The following ANKRD7 variants were observed in gnomAD, a reference collection of about 807,000 sequenced individuals.
ANKRD7 encodes the protein ankyrin repeat domain-containing protein 7.
A neutral mutation model predicts 30.8 loss-of-function variants in ANKRD7; 30 were observed. The observed-to-expected ratio is 0.97, with a 90% CI of 0.73 to 1.32. The LOEUF is 1.32. Ranked by LOEUF, ANKRD7 falls within the 40% of genes most tolerant of loss-of-function variation. ANKRD7 has a pLI of 0.00. For missense variants in ANKRD7, 264 were observed against 295.7 expected, an observed-to-expected ratio of 0.89 and a Z score of 0.79; for synonymous variants, 97 against 106.6, an observed-to-expected ratio of 0.91 and a Z score of 0.55.
chr7:118,231,165 T>A (rs1269883619), intron 1 of ANKRD7, among the ~76,000 whole-genome samples: 1 of 151,972 alleles, frequency 6.6e-6, no homozygotes, highest in Non-Finnish European at 1.5e-5. Context: ...TCGATTAGTG[T>A]TTTTTAAACA....
chr7:118,241,461 C>T (rs920207964), intron 6 of ANKRD7, among the ~76,000 whole-genome samples: 3 of 144,034 alleles, frequency 2.1e-5, no homozygotes, highest in African/African-American at 7.6e-5. Flanking sequence ...ATGCTTACAA[C>T]AATGTTTGGT....
intron 1 of ANKRD7, among the ~76,000 whole-genome samples, chr7:118,232,785 G>A (rs917420913): frequency 4.6e-5 from 7 of 151,706 alleles, no homozygotes; most frequent in African/African-American, 1.7e-4. Context: ...TAAAAAATTG[G>A]AGTTGGAGGG....
chr7:118,238,499 G>T (rs1235784045), intron 5 of ANKRD7, among the ~76,000 whole-genome samples: 1 of 152,116 alleles, frequency 6.6e-6, no homozygotes, highest in Non-Finnish European at 1.5e-5. Flanking sequence ...GACTTTTGTT[G>T]CTCAAGTAGC....
intron 1 of ANKRD7, among the ~76,000 whole-genome samples, chr7:118,230,650 GTA>G (rs1491192465): frequency 4.0e-5 from 6 of 151,606 alleles, no homozygotes; most frequent in South Asian, 2.1e-4. Flanking sequence ...GTGTGTGTGT[GTA>G]GAGAGAGAGA....
At chr7:118,233,188 G>C (rs996088324) in intron 1 of ANKRD7, among the ~76,000 whole-genome samples, 1 of 152,046 alleles carries the variant, frequency 6.6e-6, no homozygotes, top group South Asian at 2.1e-4. Flanking sequence ...AATCATTTTT[G>C]TCCTACAACA....
At chr7:118,229,742 A>T (rs760527181) in intron 1 of ANKRD7, among the ~76,000 whole-genome samples, 2 of 152,138 alleles carry the variant, frequency 1.3e-5, no homozygotes, top group Non-Finnish European at 2.9e-5. Context: ...AGAAAACTAC[A>T]GTCCAATATT....
At chr7:118,240,434 T>C (rs1179553242) in intron 6 of ANKRD7, among the ~76,000 whole-genome samples, 14 of 152,162 alleles carry the variant, frequency 9.2e-5, no homozygotes, top group African/African-American at 3.4e-4. Flanking sequence ...GTTCTTGCGA[T>C]AGTTTACTGA....
At position 118,234,715 on chromosome 7, in the gene ANKRD7, A is replaced by G. The variant is rs1293305952; in HGVS notation, c.309A>G (p.Gln103=). ...TGCATTAACAGGCAGTACAGTGTCAAAATGAGGATTGTGCTACTATTCTTC... is the reference window on the plus strand; with the variant it reads ...TGCATTAACAGGCAGTACAGTGTCAGAATGAGGATTGTGCTACTATTCTTC... ...KSPLIKAVQC[Q]NEDCATILLN... is the part of the protein sequence containing the mutation. The change falls in exon 3 of 7, where the codon CAA becomes CAG. Residue 103 remains glutamine, a synonymous_variant. Coordinates refer to ENST00000265224, the MANE Select transcript of ANKRD7 (RefSeq NM_019644.4). 1.2e-6 allele frequency: 2 copies of G among 1,608,646 alleles called. No homozygotes were observed. The highest frequency in any genetic ancestry group is 2.7e-5 in the African/African-American group (2 of 74,660).
chr7:118,230,593 C>G (rs1185965693), intron 1 of ANKRD7, among the ~76,000 whole-genome samples: 1 of 150,928 alleles, frequency 6.6e-6, no homozygotes, highest in Non-Finnish European at 1.5e-5. Flanking sequence ...CTTGATAAAG[C>G]TGAATGAAAA....
rs993264397 is a variant in ANKRD7, at chr7:118,232,597, G to GA, written c.180-1833dup. ...TATGAGCCATGAAATTTTTTTATGA[G>GA]ATTTGTTACTGAAGGTTTTAGATTC... On this transcript the variant is annotated intron_variant, in intron 1 of 6. Transcript: ENST00000265224. Among the ~76,000 whole-genome samples, 21 of 152,054 alleles carry GA rather than the reference G, an allele frequency of 1.4e-4. 1 individual carries two copies. The highest frequency in any genetic ancestry group is 5.1e-4 in the African/African-American group (21 of 41,492).
intron 6 of ANKRD7, 77 bp downstream of exon 6, chr7:118,240,075 T>C (rs1276092212): frequency 1.1e-5 from 8 of 710,954 alleles, no homozygotes; most frequent in African/African-American, 1.9e-5. Context: ...GAAACAACTT[T>C]CTTAAGTAAC....
chr7:118,224,788 A>G lies in ANKRD7; in HGVS notation c.-43A>G. On this transcript the variant is annotated 5_prime_UTR_variant, in exon 1 of 7. Transcript: ENST00000265224. ...GGCAGGGCGGACGGCTAGGAGTTCAAGAAACATCCTGGTCTGAGGGAAAGG... is the reference window on the plus strand; with the variant it reads ...GGCAGGGCGGACGGCTAGGAGTTCAGGAAACATCCTGGTCTGAGGGAAAGG... The G allele has an allele frequency of 6.3e-7, 1 of 1,579,820 alleles. No individual in the cohort carries two copies. Among genetic ancestry groups the G allele is most frequent in the East Asian group, 2.3e-5 (1 of 44,436 alleles).
At chr7:118,236,242 A>G (rs1349300876) in intron 4 of ANKRD7, 95 bp downstream of exon 4, 1 of 386,838 alleles carries the variant, frequency 2.6e-6, no homozygotes, top group Non-Finnish European at 4.1e-6. Context: ...GTGTGTGTCC[A>G]CAAAACACAA....
rs545329415 is a variant in ANKRD7, at chr7:118,227,011, A to G, written c.179+2002A>G. 3.3e-5 allele frequency among the ~76,000 whole-genome samples: 5 copies of G among 152,138 alleles called. No homozygotes were observed. In the South Asian group the frequency reaches 1.0e-3, roughly 32 times the overall value. On this transcript the variant is annotated intron_variant, in intron 1 of 6. Transcript: ENST00000265224. ...AGATAGGGAAAGTTTTACTATTGCTATTTTGTTAGCTTTCATGTTACTCTT... is the reference window on the plus strand; with the variant it reads ...AGATAGGGAAAGTTTTACTATTGCTGTTTTGTTAGCTTTCATGTTACTCTT...
chr7:118,226,342 T>TAGGG (rs143300799), intron 1 of ANKRD7, among the ~76,000 whole-genome samples: 2,802 of 152,250 alleles, frequency 0.018, 40 homozygotes, highest in East Asian at 0.076. Flanking sequence ...TTGAACAATG[T>TAGGG]AGGGGTTGGG....
At chr7:118,226,624 C>A (rs151180526) in intron 1 of ANKRD7, among the ~76,000 whole-genome samples, 10 of 152,252 alleles carry the variant, frequency 6.6e-5, no homozygotes, top group African/African-American at 2.4e-4. Flanking sequence ...CTGTTTTCTT[C>A]ACATTGAGTA....
chr7:118,229,485 T>C (rs868229537), intron 1 of ANKRD7, among the ~76,000 whole-genome samples: 34 of 152,276 alleles, frequency 2.2e-4, no homozygotes, highest in African/African-American at 7.2e-4. Flanking sequence ...TGCCTAGCCA[T>C]AGTGAGCGCT....
At chr7:118,237,144 T>A (rs1809743895) in intron 5 of ANKRD7, among the ~76,000 whole-genome samples, 1 of 152,150 alleles carries the variant, frequency 6.6e-6, no homozygotes, top group South Asian at 2.1e-4. Flanking sequence ...GCAGGAGCAT[T>A]GGAAGTGTGC....
At position 118,224,971 on chromosome 7, in the gene ANKRD7, CA is replaced by C; in HGVS notation, c.143del (p.Lys48ArgfsTer5). On this transcript the variant is annotated frameshift_variant, in exon 1 of 7. Transcript: ENST00000265224. LOFTEE classifies it high-confidence loss of function. ...LKKLKEYLQI[K>X]KYDVNMQDKK... is the part of the protein sequence containing the mutation. ...AGAAGCTGAAGGAATACCTTCAGAT[CA>C]AGAAATATGATGTAAATATGCAGGA... The C allele has an allele frequency of 6.2e-7, 1 of 1,613,996 alleles. No individual in the cohort carries two copies. The highest frequency in any genetic ancestry group is 8.5e-7 in the Non-Finnish European group (1 of 1,179,962).
Sources: allele counts gnomAD v4.1 joint callset (sites outside exome capture counted in the v4.1 genomes callset), GRCh38; gene constraint gnomAD v4.1.1; transcripts MANE v1.5; gene names NCBI Gene and HGNC (gene_info 2026-07-23, HGNC 2026-07-21).